The following NKIRAS1 variants were observed in gnomAD, a reference collection of about 807,000 sequenced individuals.
NKIRAS1 encodes NF-kappa-B inhibitor-interacting Ras-like protein 1.
In NKIRAS1, 16 loss-of-function variants were observed where a neutral mutation model predicts 19.8. That is an observed-to-expected ratio of 0.81 (90% CI 0.55 to 1.23). The LOEUF (loss-of-function observed/expected upper bound fraction) is 1.23. Among genes scored for constraint, NKIRAS1 ranks in the 50% most tolerant of loss-of-function variants. The pLI, the probability that NKIRAS1 is intolerant of heterozygous loss-of-function variation, is 0.00. For synonymous variants in NKIRAS1, 88 were observed against 79.0 expected (o/e 1.11, Z -0.61); for missense variants, 184 against 220.0 (o/e 0.84, Z 1.04).
upstream of NKIRAS1, chr3:23,921,921 T>G: frequency 3.1e-6 from 1 of 323,360 alleles, no homozygotes; most frequent in Non-Finnish European, 5.6e-6. Context: ...GTTGCCCAGG[T>G]TGGTCTCAAA....
chr3:23,934,532 G>T (rs1230786848), intron 1 of NKIRAS1, among the ~76,000 whole-genome samples: 1 of 152,148 alleles, frequency 6.6e-6, no homozygotes, highest in Non-Finnish European at 1.5e-5. Flanking sequence ...AAAAATTTAA[G>T]TCCCAGCTTG....
chr3:23,930,868 GTT>G (rs35470415), intron 1 of NKIRAS1, among the ~76,000 whole-genome samples: 2 of 123,880 alleles, frequency 1.6e-5, no homozygotes, highest in Non-Finnish European at 3.4e-5. Context: ...ATGTCCGGCT[GTT>G]TTTTTTTTTT....
intron 3 of NKIRAS1, among the ~76,000 whole-genome samples, chr3:23,903,830 T>C (rs1702752259): frequency 6.6e-6 from 1 of 151,838 alleles, no homozygotes; most frequent in African/African-American, 2.4e-5. Context: ...GAACATGCAT[T>C]TCCATATAGA....
At chr3:23,900,374 C>T (rs1371017018) in intron 4 of NKIRAS1, among the ~76,000 whole-genome samples, 1 of 152,084 alleles carries the variant, frequency 6.6e-6, no homozygotes, top group Non-Finnish European at 1.5e-5. Context: ...GCGGCTCACA[C>T]GTGTAATCCC....
At chr3:23,944,314 C>G (rs889153702) in intron 1 of NKIRAS1, among the ~76,000 whole-genome samples, 1 of 152,102 alleles carries the variant, frequency 6.6e-6, no homozygotes, top group Non-Finnish European at 1.5e-5. Flanking sequence ...GACATTTTCC[C>G]CACCTTCTAT....
chr3:23,918,935 C>G, upstream of NKIRAS1: 1 of 527,848 alleles, frequency 1.9e-6, no homozygotes. Context: ...ATTTTGTTAC[C>G]CAGATATTAA....
At position 23,916,969 on chromosome 3, in the gene NKIRAS1, G is replaced by A. The variant is rs1453821290; in HGVS notation, c.-325C>T. ...CCCAGGCCGCTCAGGCTCGAATCTT[G>A]CGGAGCAGGGGGCGGGACAATAGCG... On this transcript the variant is annotated 5_prime_UTR_variant, in exon 1 of 5. Transcript: ENST00000425478. The A allele has an allele frequency of 6.6e-6, 1 of 152,640 alleles. No individual in the cohort carries two copies. Among genetic ancestry groups the A allele is most frequent in the East Asian group, 1.9e-4 (1 of 5,190 alleles). The allele number at this position is 152,640 out of a possible 1,614,324, so 9.5% of individuals were successfully genotyped here. A position where few individuals can be genotyped will look rare whatever the true frequency, so the allele number is the denominator to read the frequency against.
chr3:23,905,873 G>C (rs898513435), intron 3 of NKIRAS1, among the ~76,000 whole-genome samples: 3 of 151,756 alleles, frequency 2.0e-5, no homozygotes, highest in African/African-American at 7.2e-5. Flanking sequence ...CAAAACCAGG[G>C]AGAGGCCGGG....
intron 4 of NKIRAS1, among the ~76,000 whole-genome samples, chr3:23,899,515 T>A (rs905591029): frequency 3.9e-5 from 6 of 152,254 alleles, no homozygotes; most frequent in Non-Finnish European, 7.3e-5. Context: ...CAGTATATTA[T>A]CTGGTTTCCT....
chr3:23,903,189 T>C (rs552530572), intron 3 of NKIRAS1, among the ~76,000 whole-genome samples: 58 of 152,240 alleles, frequency 3.8e-4, no homozygotes, highest in Middle Eastern at 3.4e-3. Context: ...TCTCAGCTCA[T>C]TGCAGCCTCA....
upstream of NKIRAS1, chr3:23,917,934 C>T (rs35629664): frequency 2.1e-5 from 34 of 1,613,578 alleles, 2 homozygotes; most frequent in South Asian, 3.7e-4. Flanking sequence ...TTCTGAGGGT[C>T]CGCTGCTGGC....
At chr3:23,894,212 G>A (rs969994049) in intron 4 of NKIRAS1, among the ~76,000 whole-genome samples, 1 of 152,310 alleles carries the variant, frequency 6.6e-6, no homozygotes, top group East Asian at 1.9e-4. Context: ...GGGAGGAGAA[G>A]AGACCCCAAA....
intron 3 of NKIRAS1, among the ~76,000 whole-genome samples, chr3:23,909,907 G>A (rs1329271104): frequency 7.1e-6 from 1 of 140,890 alleles, no homozygotes; most frequent in Admixed American, 7.7e-5. Context: ...TCGCCAGGCT[G>A]GAGTGCAGTG....
chr3:23,919,726 G>T, upstream of NKIRAS1: 1 of 1,346,634 alleles, frequency 7.4e-7, no homozygotes, highest in Non-Finnish European at 9.5e-7. Flanking sequence ...TTAGGGAGTT[G>T]TATGTCAGTG....
chr3:23,912,178 C>A (rs1350601431), intron 1 of NKIRAS1, among the ~76,000 whole-genome samples: 1 of 152,068 alleles, frequency 6.6e-6, no homozygotes, highest in Non-Finnish European at 1.5e-5. Context: ...GCAACAAAAG[C>A]CAAAATAGAC....
upstream of NKIRAS1, chr3:23,920,720 T>C (rs1002624626): frequency 8.1e-6 from 8 of 982,192 alleles, no homozygotes; most frequent in African/African-American, 7.2e-5. Flanking sequence ...GAAGTACTCA[T>C]AGCAAGTTCA....
chr3:23,905,809 A>G (rs1431877582), intron 3 of NKIRAS1, among the ~76,000 whole-genome samples: 1 of 151,862 alleles, frequency 6.6e-6, no homozygotes, highest in African/African-American at 2.4e-5. Flanking sequence ...AAAAAAAAAA[A>G]AAGGTATAAG....
chr3:23,919,182 T>C (rs1405387634), upstream of NKIRAS1: 1 of 1,603,098 alleles, frequency 6.2e-7, no homozygotes, highest in Non-Finnish European at 8.5e-7. Context: ...CTTGGGCCTT[T>C]TTTCCTATTC....
chr3:23,913,802 G>A (rs1032312737), intron 1 of NKIRAS1, among the ~76,000 whole-genome samples: 5 of 152,124 alleles, frequency 3.3e-5, no homozygotes, highest in African/African-American at 1.2e-4. Flanking sequence ...CCGATCCTGG[G>A]GTAACCAAGC....
Sources: allele counts gnomAD v4.1 joint callset (sites outside exome capture counted in the v4.1 genomes callset), GRCh38; gene constraint gnomAD v4.1.1; transcripts MANE v1.5; gene names NCBI Gene and HGNC (gene_info 2026-07-23, HGNC 2026-07-21).